PKHD1L1: variants seen among roughly 807,000 people sequenced by gnomAD.
The protein encoded by PKHD1L1 is PKHD1 like 1.
PKHD1L1 carries 434 observed loss-of-function variants against 462.9 expected under a neutral mutation model. The observed-to-expected ratio is 0.94, with a 90% CI of 0.87 to 1.02. PKHD1L1 has a LOEUF of 1.02. PKHD1L1 is among the 50% of genes least tolerant of loss of function. PKHD1L1 has a pLI of 0.00. For missense variants in PKHD1L1, 5,202 were observed against 5,096.1 expected (o/e 1.02, Z -0.63); for synonymous variants, 1,781 against 1,750.0 (o/e 1.02, Z -0.44).
chr8:109,417,074 T>G (rs1840907), intron 21 of PKHD1L1, among the ~76,000 whole-genome samples: 79,444 of 151,892 alleles, frequency 0.52, 20,900 homozygotes, highest in South Asian at 0.62. Context: ...GCTGAAGGGA[T>G]GTGGGGATGG....
chr8:109,477,391 A>G lies in PKHD1L1; in HGVS notation c.9084A>G (p.Thr3028=), dbSNP rs1783148. The change falls in exon 53 of 78, where the codon ACA becomes ACG. Residue 3028 remains threonine, a synonymous_variant. Coordinates refer to ENST00000378402, the MANE Select transcript of PKHD1L1 (RefSeq NM_177531.6). ...RKPIPKKRPA[T]YNLWSNDSFW... ...CAATTCCCAAGAAGCGACCAGCCAC[A>G]TATAAGTACATAGGCCTTTTGTAGT... The G allele has an allele frequency of 1.9e-6, 3 of 1,611,694 alleles. No individual in the cohort carries two copies. The highest frequency in any genetic ancestry group is 3.3e-4 in the Middle Eastern group (2 of 6,052).
chr8:109,449,520 G>C (rs1315337843), intron 40 of PKHD1L1, 33 bp downstream of exon 40: 2 of 1,522,476 alleles, frequency 1.3e-6, no homozygotes, highest in East Asian at 4.7e-5. Context: ...GGCAGTCTTT[G>C]AGAACTAGTT....
At chr8:109,518,917 G>A (rs562105916) in intron 73 of PKHD1L1, among the ~76,000 whole-genome samples, 7 of 152,190 alleles carry the variant, frequency 4.6e-5, no homozygotes, top group East Asian at 1.9e-4. Context: ...AAACAGGTCC[G>A]ATTGGTCTGG....
intron 28 of PKHD1L1, among the ~76,000 whole-genome samples, chr8:109,434,803 C>G (rs1030114637): frequency 1.3e-5 from 2 of 151,980 alleles, no homozygotes; most frequent in Non-Finnish European, 2.9e-5. Context: ...CCTGATAAAA[C>G]GTAGTATTTT....
chr8:109,445,140 C>T lies in PKHD1L1; in HGVS notation c.5271C>T (p.Asn1757=). 6.2e-7 allele frequency: 1 copy of T among 1,613,942 alleles called. No homozygotes were observed. The highest frequency in any genetic ancestry group is 8.5e-7 in the Non-Finnish European group (1 of 1,179,892). ...CTTACATAACAGGAGTCTTCCCAAA[C>T]TCTGTCATAGGATCTGTAAAAGTTC... ...ITPYITGVFP[N]SVIGSVKVLI... The change falls in exon 38 of 78, where the codon AAC becomes AAT. Residue 1757 remains asparagine (N), a synonymous_variant. Coordinates refer to ENST00000378402, the MANE Select transcript of PKHD1L1 (RefSeq NM_177531.6).
At chr8:109,412,182 C>T (rs1045926346) in intron 19 of PKHD1L1, 83 bp from the exon 20 acceptor site, 17 of 1,426,460 alleles carry the variant, frequency 1.2e-5, no homozygotes, top group African/African-American at 7.1e-5. Context: ...CTGGGTTGAA[C>T]CTTGAGTGGT....
At chr8:109,383,147 T>TA (rs1563723735) in intron 4 of PKHD1L1, among the ~76,000 whole-genome samples, 1 of 62,506 alleles carries the variant, frequency 1.6e-5, no homozygotes, top group Non-Finnish European at 2.8e-5. Context: ...ATTGTATATA[T>TA]TATATATATT....
chr8:109,380,955 G>A (rs1812078798), intron 2 of PKHD1L1, among the ~76,000 whole-genome samples: 1 of 152,052 alleles, frequency 6.6e-6, no homozygotes, highest in African/African-American at 2.4e-5. Flanking sequence ...TGCTATGTAG[G>A]CTCACAGTAG....
intron 50 of PKHD1L1, chr8:109,470,857 G>A: frequency 6.6e-7 from 1 of 1,515,554 alleles, no homozygotes; most frequent in Non-Finnish European, 9.1e-7. Flanking sequence ...TTCTTTAGCA[G>A]GAAAGAAGAT....
intron 2 of PKHD1L1, among the ~76,000 whole-genome samples, chr8:109,379,074 A>G (rs1811980417): frequency 6.6e-6 from 1 of 152,032 alleles, no homozygotes; most frequent in Non-Finnish European, 1.5e-5. Flanking sequence ...AACAACATGG[A>G]CTCCCTTTCA....
intron 9 of PKHD1L1, 104 bp from the exon 10 acceptor site, chr8:109,394,311 C>T (rs1812858167): frequency 3.2e-6 from 2 of 625,722 alleles, no homozygotes; most frequent in Non-Finnish European, 2.6e-6. Context: ...AAAGTTCCAT[C>T]GTGCTCTTTT....
At chr8:109,446,670 T>G (rs989435608) in intron 38 of PKHD1L1, among the ~76,000 whole-genome samples, 2 of 152,204 alleles carry the variant, frequency 1.3e-5, no homozygotes, top group African/African-American at 4.8e-5. Context: ...TCCCATGTGG[T>G]TGTAATCATT....
chr8:109,497,158 G>A lies in PKHD1L1; in HGVS notation c.10485G>A (p.Glu3495=). ...WDYGIYFQTT[E]SVHIYNVTLV... is the part of the protein sequence containing the mutation. ...TGCAAATTCTATTGCAGACCACAGA[G>A]AGTGTGCACATTTATAATGTGACCC... Residue 3495 remains glutamate, a synonymous_variant, in exon 65 of 78, where the codon GAG becomes GAA. Transcript: ENST00000378402. 2 of 1,613,848 alleles carry A rather than the reference G, an allele frequency of 1.2e-6. No homozygotes were observed. Among genetic ancestry groups the A allele is most frequent in the Non-Finnish European group, 8.5e-7 (1 of 1,179,806 alleles).
chr8:109,461,746 A>T (rs771937408), intron 47 of PKHD1L1, 26 bp from the exon 48 acceptor site: 5 of 1,587,084 alleles, frequency 3.2e-6, no homozygotes, highest in Admixed American at 3.7e-5. Context: ...AATTTTTTTA[A>T]TGATGCTTTA....
intron 39 of PKHD1L1, among the ~76,000 whole-genome samples, chr8:109,448,641 A>T (rs1179587578): frequency 1.3e-5 from 2 of 151,748 alleles, no homozygotes; most frequent in Non-Finnish European, 2.9e-5. Context: ...CCTCCCGAGT[A>T]GCTGGGACTA....
rs772722585 is a variant in PKHD1L1 at position 109,438,965 on chromosome 8, G to A, written c.3829G>A (p.Val1277Ile). 10 of 1,613,682 alleles carry A rather than the reference G, an allele frequency of 6.2e-6. No homozygotes were observed. The highest frequency in any genetic ancestry group is 8.5e-6 in the Non-Finnish European group (10 of 1,179,670). Residue 1277 changes from valine to isoleucine, a missense_variant, in exon 32 of 78, where the codon GTT (valine) becomes ATT (isoleucine). Coordinates refer to ENST00000378402, the MANE Select transcript of PKHD1L1 (RefSeq NM_177531.6). ...ACTCACACAAAACATGGCGGTGTAT[G>A]TTGGAGGAAAAACCTGCCAGATTCT... ...NELTQNMAVY[V>I]GGKTCQILHW...
intron 26 of PKHD1L1, 23 bp downstream of exon 26, chr8:109,429,485 G>A (rs1298347064): frequency 6.3e-7 from 1 of 1,589,998 alleles, no homozygotes; most frequent in African/African-American, 1.3e-5. Context: ...CTTTTCTCAT[G>A]ATGCTTAATG....
Position 109,419,014 on chromosome 8 carries a change from T to C in PKHD1L1, c.2361-83T>C, listed in dbSNP as rs1006782782. 4 of 1,218,730 alleles carry C rather than the reference T, an allele frequency of 3.3e-6. No homozygotes were observed. In the African/African-American group the frequency reaches 4.5e-5, roughly 14 times the overall value. 75.5% of individuals were successfully genotyped at this position (1,218,730 alleles called of 1,614,324 possible). ...TCTTGTGGGAAAAAATATTTTACTC[T>C]ATAAAATTTTAATGCTTTCTAAAGT... On this transcript the variant is annotated intron_variant, in intron 21 of 77. Coordinates refer to ENST00000378402, the MANE Select transcript of PKHD1L1 (RefSeq NM_177531.6).
intron 27 of PKHD1L1, 76 bp from the exon 28 acceptor site, chr8:109,433,030 G>T: frequency 9.4e-7 from 1 of 1,063,522 alleles, no homozygotes; most frequent in South Asian, 1.5e-5. Context: ...ATTTTTATTT[G>T]AGAAATGTCT....
Sources: gnomAD v4.1 joint callset for allele counts (sites outside exome capture counted in the v4.1 genomes callset) on GRCh38, gnomAD v4.1.1 for gene constraint, MANE v1.5 for transcripts, NCBI Gene and HGNC (gene_info 2026-07-23, HGNC 2026-07-21) for gene names.